HOXA3: variants seen among roughly 807,000 people sequenced by gnomAD.
HOXA3 encodes homeobox A3.
Under a neutral mutation model 30.3 loss-of-function variants are expected in HOXA3, and 8 were observed. The ratio of observed to expected loss-of-function variants is 0.26; its 90% CI spans 0.15 to 0.48. The LOEUF is 0.48. HOXA3 is among the 20% of genes least tolerant of loss of function. HOXA3 has a pLI of 0.99. For missense variants in HOXA3, 653 were observed against 614.4 expected, an observed-to-expected ratio of 1.06 and a Z score of -0.66; for synonymous variants, 323 against 273.1, an observed-to-expected ratio of 1.18 and a Z score of -1.80.
At chr7:27,147,525 C>A (rs1268903732) in intron 1 of HOXA3, 1 of 1,614,178 alleles carries the variant, frequency 6.2e-7, no homozygotes, top group Admixed American at 1.7e-5. Flanking sequence ...AACACGAGGC[C>A]CCGTACTCGT....
intron 2 of HOXA3, chr7:27,130,264 C>T (rs1785472394): frequency 1.7e-6 from 2 of 1,183,958 alleles, no homozygotes; most frequent in Admixed American, 9.5e-5. Flanking sequence ...GGCCGCCTCG[C>T]AGCGCCGCGG....
At chr7:27,145,458 T>G in intron 1 of HOXA3, 2 of 224,992 alleles carry the variant, frequency 8.9e-6, no homozygotes, top group Non-Finnish European at 7.4e-6. Context: ...TTTTGTTTTG[T>G]TTTGTTTTGT....
rs1467081040 is a variant in HOXA3, at chr7:27,108,742, G to C, written c.527-22C>G. 2.6e-6 allele frequency: 4 copies of C among 1,557,788 alleles called. No homozygotes were observed. In the South Asian group the frequency reaches 4.8e-5, roughly 19 times the overall value. On this transcript the variant is annotated intron_variant, in intron 5 of 5. Transcript: ENST00000612286. The surrounding 1 kb of genome is among the most constrained non-coding windows in gnomAD (Gnocchi z 5.0). The stretch of plus-strand genomic sequence containing the variant: ...TCGCCTGCGAGGACAGAGAGAGGAA[G>C]AGCGGCGTCAGGGGCTGCCGCGGCC...
intron 4 of HOXA3, among the ~76,000 whole-genome samples, chr7:27,118,552 T>C (rs1275195895): frequency 6.6e-6 from 1 of 152,194 alleles, no homozygotes; most frequent in African/African-American, 2.4e-5. Context: ...GTCTAAGCAA[T>C]AGGATGCTTG....
At chr7:27,126,771 A>T (rs1164060439) in intron 3 of HOXA3, 115 bp downstream of exon 3, 1 of 152,228 alleles carries the variant, frequency 6.6e-6, no homozygotes, top group African/African-American at 2.4e-5. Flanking sequence ...ATGGACTTAT[A>T]AGTGCAAGTG....
chr7:27,130,750 A>G (rs1256504569), intron 2 of HOXA3: 10 of 1,598,976 alleles, frequency 6.3e-6, no homozygotes, highest in Non-Finnish European at 7.7e-6. Context: ...GTGAAGTGCA[A>G]AAATACTAAT....
At chr7:27,129,808 A>C (rs1187730280) in intron 2 of HOXA3, among the ~76,000 whole-genome samples, 1 of 152,230 alleles carries the variant, frequency 6.6e-6, no homozygotes, top group African/African-American at 2.4e-5. Flanking sequence ...GGGCTGAAGA[A>C]AAGCTTCAAA....
chr7:27,110,074 A>G (rs1232069039), intron 5 of HOXA3, 41 bp downstream of exon 5: 1 of 1,613,102 alleles, frequency 6.2e-7, no homozygotes, highest in Non-Finnish European at 8.5e-7. Context: ...GGGGACCAGG[A>G]GCCAGGCCAG....
chr7:27,145,292 C>G lies in HOXA3; in HGVS notation c.-493-5106G>C, dbSNP rs1782712005. 1.2e-5 allele frequency: 3 copies of G among 250,470 alleles called. No individual in the cohort carries two copies. In the South Asian group the frequency reaches 2.5e-4, roughly 21 times the overall value. 15.5% of individuals were successfully genotyped at this position (250,470 alleles called of 1,614,324 possible). ...TCTTTCCTCCCCAGCAGCCCCGCGT[C>G]CCGAGGTCGGGGAGCTCAGAGACAC... On this transcript the variant is annotated intron_variant, in intron 1 of 5. Coordinates refer to ENST00000612286, the MANE Select transcript of HOXA3 (RefSeq NM_153631.3).
chr7:27,151,437 T>G (rs150698918), intron 1 of HOXA3: 1 of 350,298 alleles, frequency 2.9e-6, no homozygotes, highest in African/African-American at 2.2e-5. Context: ...GGTCCCCCTA[T>G]CGCCCAGACT....
Position 27,150,044 on chromosome 7 carries a change from C to G in HOXA3, c.-494+2244G>C, listed in dbSNP as rs577410579. ...AGAATTTGATTTCTCAGCTAAGAAC[C>G]AGAAAACATTATATTTCTAGCTTCT... On this transcript the variant is annotated intron_variant, in intron 1 of 5. Transcript: ENST00000612286. 4 of 152,280 alleles carry G rather than the reference C, an allele frequency of 2.6e-5. No homozygotes were observed. The East Asian group carries it at 7.7e-4, about 29-fold the overall frequency. 9.4% of individuals were successfully genotyped at this position (152,280 alleles called of 1,614,324 possible).
At chr7:27,148,022 G>C (rs912962423) in intron 1 of HOXA3, among the ~76,000 whole-genome samples, 1 of 152,258 alleles carries the variant, frequency 6.6e-6, no homozygotes, top group Non-Finnish European at 1.5e-5. Flanking sequence ...ACAGCTAGCC[G>C]GCCCGGCTCT....
At chr7:27,147,200 T>G in intron 1 of HOXA3, 1 of 1,151,686 alleles carries the variant, frequency 8.7e-7, no homozygotes, top group Non-Finnish European at 1.2e-6. Flanking sequence ...TGCTGGTTCT[T>G]TCATCCTTTC....
At chr7:27,151,293 G>C (rs1161770691) in intron 1 of HOXA3, 1 of 301,888 alleles carries the variant, frequency 3.3e-6, no homozygotes, top group African/African-American at 2.2e-5. Context: ...GCTACAGTTC[G>C]AGCCACCGCG....
intron 2 of HOXA3, among the ~76,000 whole-genome samples, chr7:27,136,241 GC>G (rs1248161282): frequency 6.6e-6 from 1 of 152,218 alleles, no homozygotes; most frequent in Non-Finnish European, 1.5e-5. Flanking sequence ...ATCTCAGGAT[GC>G]CCTGCTTCTG....
intron 1 of HOXA3, chr7:27,143,476 C>T: frequency 6.2e-7 from 1 of 1,613,884 alleles, no homozygotes; most frequent in South Asian, 1.1e-5. Context: ...CGTAGCCGTA[C>T]CTGCCGGAGT....
intron 4 of HOXA3, among the ~76,000 whole-genome samples, chr7:27,117,342 C>T (rs17471429): frequency 0.026 from 3,976 of 152,292 alleles, 124 homozygotes; most frequent in East Asian, 0.14. Flanking sequence ...CCAGACCAGG[C>T]GCACTGATGA....
At position 27,130,320 on chromosome 7, in the gene HOXA3, G is replaced by C. The variant is rs540982908; in HGVS notation, c.-389-3250C>G. ...GAGGCTGCAGGGGCGGCGGCAGCTG[G>C]GGCTGCAGGACGTGGCTCGCATGCA... On this transcript the variant is annotated intron_variant, in intron 2 of 5. Transcript: ENST00000612286. 3.1e-4 allele frequency: 340 copies of C among 1,093,770 alleles called. 2 individuals carry two copies. The African/African-American group carries it at 5.2e-3, about 17-fold the overall frequency. The allele number at this position is 1,093,770 out of a possible 1,614,324, so 67.8% of individuals were successfully genotyped here. A position where few individuals can be genotyped will look rare whatever the true frequency, so the allele number is the denominator to read the frequency against.
intron 1 of HOXA3, chr7:27,150,401 C>A (rs970107281): frequency 2.0e-5 from 3 of 152,420 alleles, no homozygotes; most frequent in African/African-American, 7.2e-5. Context: ...CCACCTCTGC[C>A]AGCCTGGAGG....
Sources: allele counts gnomAD v4.1 joint callset (sites outside exome capture counted in the v4.1 genomes callset), GRCh38; gene constraint gnomAD v4.1.1; non-coding constraint Gnocchi (gnomAD v3.1); transcripts MANE v1.5; gene names NCBI Gene and HGNC (gene_info 2026-07-23, HGNC 2026-07-21).